The following FAM91A1 variants were observed in gnomAD, a reference collection of about 807,000 sequenced individuals.
FAM91A1 encodes protein FAM91A1.
FAM91A1 carries 41 observed loss-of-function variants against 113.5 expected under a neutral mutation model. The ratio of observed to expected loss-of-function variants is 0.36; its 90% confidence interval spans 0.28 to 0.47. FAM91A1 has a LOEUF of 0.47. FAM91A1 is among the 20% of genes least tolerant of loss of function. The probability of loss-of-function intolerance (pLI) is 1.00; values close to 1 mark genes in which losing one functional copy is unlikely to be tolerated. For synonymous variants in FAM91A1, 307 were observed against 347.9 expected, an observed-to-expected ratio of 0.88 and a Z score of 1.31; for missense variants, 696 against 1,001.2, an observed-to-expected ratio of 0.70 and a Z score of 4.11.
chr8:123,807,446 C>G (rs1815837959), intron 20 of FAM91A1, among the ~76,000 whole-genome samples: 1 of 139,610 alleles, frequency 7.2e-6, no homozygotes, highest in African/African-American at 2.7e-5. Context: ...CAGTTTGAGA[C>G]CAGTCCGGGC....
At chr8:123,792,350 A>G (rs1815404976) in intron 15 of FAM91A1, among the ~76,000 whole-genome samples, 1 of 152,208 alleles carries the variant, frequency 6.6e-6, no homozygotes, top group African/African-American at 2.4e-5. Flanking sequence ...TTATACATGG[A>G]ACTAGTGTCT....
At chr8:123,785,572 T>C (rs1482329621) in intron 10 of FAM91A1, 57 bp from the exon 11 acceptor site, 1 of 1,159,218 alleles carries the variant, frequency 8.6e-7, no homozygotes, top group Non-Finnish European at 1.3e-6. Context: ...TCTCTACAAA[T>C]ATTGTGATGT....
chr8:123,781,626 C>T (rs1478060085), intron 8 of FAM91A1, among the ~76,000 whole-genome samples: 3 of 151,946 alleles, frequency 2.0e-5, no homozygotes, highest in Non-Finnish European at 4.4e-5. Flanking sequence ...TATAGGCACC[C>T]ACCATCACGT....
intron 16 of FAM91A1, 127 bp from the exon 17 acceptor site, chr8:123,799,393 A>T: frequency 1.3e-6 from 1 of 799,894 alleles, no homozygotes; most frequent in African/African-American, 1.8e-5. Context: ...TGAAACATTT[A>T]AAGTTATTTT....
chr8:123,785,826 T>G, intron 11 of FAM91A1, 85 bp downstream of exon 11: 1 of 779,496 alleles, frequency 1.3e-6, no homozygotes, highest in East Asian at 3.1e-5. Context: ...TATTTATTTA[T>G]TTATTTATTG....
chr8:123,774,092 T>C lies in FAM91A1; in HGVS notation c.85T>C (p.Ser29Pro). The change falls in exon 2 of 24, where the codon TCA (serine) becomes CCA (proline). Residue 29 changes from serine to proline, a missense_variant. Ser to Pro is a moderately conservative substitution (Grantham distance 74, BLOSUM62 -1). Coordinates refer to ENST00000334705, the MANE Select transcript of FAM91A1 (RefSeq NM_144963.4). ...AAATTTCTCCTAGAGTCTTGGAAAT[T>C]CACAGAGAGAATATGAAAAGCAGGT... is the stretch of plus-strand genomic sequence containing the variant. ...PANVRQSLGNSQREYEKQVVL... is the reference protein window; with the variant it reads ...PANVRQSLGNPQREYEKQVVL... 6.2e-7 allele frequency: 1 copy of C among 1,606,686 alleles called. No individual in the cohort carries two copies. The highest frequency in any genetic ancestry group is 8.5e-7 in the Non-Finnish European group (1 of 1,177,054).
chr8:123,776,052 A>G (rs916388083), intron 3 of FAM91A1, among the ~76,000 whole-genome samples: 1 of 152,236 alleles, frequency 6.6e-6, no homozygotes, highest in Non-Finnish European at 1.5e-5. Context: ...ACCCAACATT[A>G]TATAATACAG....
intron 18 of FAM91A1, among the ~76,000 whole-genome samples, chr8:123,804,490 TAAAAAAAAAAAAAAAAAA>T (rs57808944): frequency 2.7e-5 from 2 of 73,834 alleles, no homozygotes; most frequent in Admixed American, 1.7e-4. Context: ...GACTCTGTTT[TAAAAAAAAAAAAAAAAAA>T]AAAAAAAAAA....
At position 123,778,781 on chromosome 8, in the gene FAM91A1, C is replaced by G. The variant is rs758108567; in HGVS notation, c.549+9C>G. Reference sequence around the variant, plus strand: ...CAGAAGATGACATCAAGGTAGAAATCTTTAAAAGTTAAACATAGAATTTTT... The same window carrying G: ...CAGAAGATGACATCAAGGTAGAAATGTTTAAAAGTTAAACATAGAATTTTT... On this transcript the variant is annotated intron_variant, in intron 6 of 23. Coordinates refer to ENST00000334705, the MANE Select transcript of FAM91A1 (RefSeq NM_144963.4). 2 of 1,455,394 alleles carry G rather than the reference C, an allele frequency of 1.4e-6. No homozygotes were observed. Among genetic ancestry groups the G allele is most frequent in the African/African-American group, 2.9e-5 (2 of 68,586 alleles). The allele number at this position is 1,455,394 out of a possible 1,614,324, so 90.2% of individuals were successfully genotyped here.
In FAM91A1 at chr8:123,768,675, CCCGGCCG is replaced by C; in HGVS notation, c.-21_-15del. ...GCGTAGTGTGGGTCGCGGTGGCGGCCCCGGCCGCCGGCCCTGGCCGCGGCATCATGAA... is the reference window on the plus strand; with the variant it reads ...GCGTAGTGTGGGTCGCGGTGGCGGCCCCGGCCCTGGCCGCGGCATCATGAA... On this transcript the variant is annotated 5_prime_UTR_variant, in exon 1 of 24. Transcript: ENST00000334705. 1 of 1,557,042 alleles carries C rather than the reference CCCGGCCG, an allele frequency of 6.4e-7. No individual in the cohort carries two copies. The highest frequency in any genetic ancestry group is 2.5e-5 in the East Asian group (1 of 40,478).
At chr8:123,812,093 G>A (rs925603671) in intron 23 of FAM91A1, 8 of 152,404 alleles carry the variant, frequency 5.2e-5, no homozygotes, top group African/African-American at 1.9e-4. Context: ...GGCTCGTTTT[G>A]AACTCCTGAT....
chr8:123,814,187 ATGTT>A lies in FAM91A1; in HGVS notation c.*1487_*1490del, dbSNP rs1385183002. ...AGAAGGTAGAAACCATGTGTATGTT[ATGTT>A]TGTCTATAAAAGAAAAAATACTAAT... On this transcript the variant is annotated 3_prime_UTR_variant, in exon 24 of 24. Coordinates refer to ENST00000334705, the MANE Select transcript of FAM91A1 (RefSeq NM_144963.4). 4 of 391,394 alleles carry A rather than the reference ATGTT, an allele frequency of 1.0e-5. No homozygotes were observed. The East Asian group carries it at 2.6e-4, about 26-fold the overall frequency. The allele number at this position is 391,394 out of a possible 1,614,324, so 24.2% of individuals were successfully genotyped here.
At chr8:123,810,224 A>G in intron 22 of FAM91A1, 58 bp from the exon 23 acceptor site, 1 of 1,524,088 alleles carries the variant, frequency 6.6e-7, no homozygotes, top group East Asian at 2.3e-5. Context: ...CTCTTATGAG[A>G]AACTCATTCT....
At chr8:123,790,177 T>A (rs1311876325) in intron 15 of FAM91A1, among the ~76,000 whole-genome samples, 1 of 152,218 alleles carries the variant, frequency 6.6e-6, no homozygotes, top group Non-Finnish European at 1.5e-5. Context: ...ACCAAAAGAT[T>A]TTACTTTTAA....
In FAM91A1 at chr8:123,769,817, A is replaced by G. The variant is rs890954231; in HGVS notation, c.72+1043A>G. On this transcript the variant is annotated intron_variant, in intron 1 of 23. Coordinates refer to ENST00000334705, the MANE Select transcript of FAM91A1 (RefSeq NM_144963.4). ...CAGATAACGCACTGCTGCTCTGGTC[A>G]TAGATTGACCTTCGCTTCCTCCCAT... Among the ~76,000 whole-genome samples the G allele has an allele frequency of 2.0e-5, 3 of 152,268 alleles. No homozygotes were observed. The South Asian group carries it at 6.2e-4, about 31-fold the overall frequency.
chr8:123,792,958 T>C (rs1815423682), intron 15 of FAM91A1, among the ~76,000 whole-genome samples: 1 of 152,200 alleles, frequency 6.6e-6, no homozygotes, highest in South Asian at 2.1e-4. Context: ...ACAAAATGCT[T>C]GTTAGCCAAA....
At chr8:123,780,582 A>G (rs1261432962) in intron 8 of FAM91A1, 40 bp downstream of exon 8, 11 of 1,527,928 alleles carry the variant, frequency 7.2e-6, no homozygotes, top group South Asian at 1.1e-5. Flanking sequence ...TTTTGAATGG[A>G]TATCAGGTGC....
intron 20 of FAM91A1, 56 bp from the exon 21 acceptor site, chr8:123,808,216 G>T: frequency 7.2e-7 from 1 of 1,382,722 alleles, no homozygotes; most frequent in South Asian, 1.2e-5. Context: ...CTGATTTATT[G>T]GCAGCTTCTG....
chr8:123,803,467 T>G lies in FAM91A1; in HGVS notation c.1810-1800T>G, dbSNP rs187573647. On this transcript the variant is annotated intron_variant, in intron 18 of 23. Transcript: ENST00000334705. ...CTGGGACTACAAGCTCACGCCACCA[T>G]GCCTGGCTAATTTTTTATAGAGACA... Among the ~76,000 whole-genome samples the G allele has an allele frequency of 2.9e-3, 436 of 152,130 alleles. 1 individual carries two copies. Among genetic ancestry groups the G allele is most frequent in the Non-Finnish European group, 4.6e-3 (311 of 67,992 alleles).
Sources: allele counts gnomAD v4.1 joint callset (sites outside exome capture counted in the v4.1 genomes callset), GRCh38; gene constraint gnomAD v4.1.1; transcripts MANE v1.5; gene names NCBI Gene and HGNC (gene_info 2026-07-23, HGNC 2026-07-21).